Variants in SYAP1 observed in about 807,000 individuals in gnomAD.
SYAP1 encodes synapse associated protein 1.
SYAP1 carries 3 observed loss-of-function variants against 29.6 expected under a neutral mutation model. The ratio of observed to expected loss-of-function variants is 0.10; its 90% CI spans 0.05 to 0.26. The LOEUF (loss-of-function observed/expected upper bound fraction) is 0.26. SYAP1 is among the 10% of genes least tolerant of loss of function. SYAP1 has a pLI of 1.00. For synonymous variants in SYAP1, 102 were observed against 102.7 expected, an observed-to-expected ratio of 0.99 and a Z score of 0.04; for missense variants, 217 against 264.1, an observed-to-expected ratio of 0.82 and a Z score of 1.24.
chrX:16,725,953 C>T (rs747502041), intron 1 of SYAP1, among the ~76,000 whole-genome samples: 2 of 112,043 alleles, frequency 1.8e-5, no homozygotes, highest in East Asian at 5.6e-4. Flanking sequence ...AAAGAACCCT[C>T]TTCTTTTGGA....
chrX:16,754,722 C>T (rs1378803431), intron 5 of SYAP1, among the ~76,000 whole-genome samples: 1 of 108,873 alleles, frequency 9.2e-6, no homozygotes, highest in African/African-American at 3.3e-5. Flanking sequence ...AGCAAGACTC[C>T]GTGTCAAAAA....
Position 16,742,616 on chromosome X carries a change from T to C in SYAP1, c.435+827T>C, listed in dbSNP as rs200266117. The stretch of plus-strand genomic sequence containing the variant: ...ATTTTTAATTTAATTTGTTTTGTTT[T>C]GTTTTGTTTTTGTTTTAAGAGACAC... On this transcript the variant is annotated intron_variant, in intron 4 of 8. Transcript: ENST00000380155. Among the ~76,000 whole-genome samples, 13 of 111,888 alleles carry C rather than the reference T, an allele frequency of 1.2e-4. No homozygotes were observed. In the East Asian group the frequency reaches 3.7e-3, roughly 32 times the overall value.
At chrX:16,752,031 G>T (rs1422994866) in intron 5 of SYAP1, among the ~76,000 whole-genome samples, 1 of 97,100 alleles carries the variant, frequency 1.0e-5, no homozygotes, top group African/African-American at 3.9e-5. Flanking sequence ...CCAGGCTGGA[G>T]TGCAGTGGTG....
intron 5 of SYAP1, among the ~76,000 whole-genome samples, chrX:16,747,005 A>T (rs1306731842): frequency 2.7e-5 from 3 of 112,256 alleles, no homozygotes; most frequent in Non-Finnish European, 5.6e-5. Flanking sequence ...GATCTCTGGA[A>T]TGCAGTGGCA....
intron 5 of SYAP1, among the ~76,000 whole-genome samples, chrX:16,745,446 A>C (rs1569251060): frequency 8.9e-6 from 1 of 111,845 alleles, no homozygotes; most frequent in Non-Finnish European, 1.9e-5. Context: ...GAAGTAGACT[A>C]CTGTTTGCCT....
chrX:16,755,451 C>G (rs1289282230), intron 6 of SYAP1, among the ~76,000 whole-genome samples: 1 of 110,138 alleles, frequency 9.1e-6, no homozygotes, highest in East Asian at 2.8e-4. Flanking sequence ...AGCCACTGTG[C>G]CTGGCGAGTT....
intron 5 of SYAP1, among the ~76,000 whole-genome samples, chrX:16,752,628 G>A (rs1357286001): frequency 1.8e-5 from 2 of 109,568 alleles, no homozygotes; most frequent in African/African-American, 6.6e-5. Flanking sequence ...TCCCAATAAT[G>A]TCCTTTTTAG....
chrX:16,742,920 A>AT (rs761130108), intron 4 of SYAP1, among the ~76,000 whole-genome samples: 4,205 of 62,767 alleles, frequency 0.067, 177 homozygotes, highest in African/African-American at 0.12. Flanking sequence ...GTCCGCTTCT[A>AT]TTTTTTTTTT....
intron 5 of SYAP1, among the ~76,000 whole-genome samples, chrX:16,744,892 G>T (rs1049589145): frequency 6.2e-5 from 7 of 112,055 alleles, no homozygotes; most frequent in African/African-American, 1.6e-4. Context: ...CCTGAGCCTG[G>T]GAGGTCGACG....
chrX:16,741,842 A>G, intron 4 of SYAP1, 53 bp downstream of exon 4: 2 of 839,017 alleles, frequency 2.4e-6, no homozygotes, highest in Non-Finnish European at 3.5e-6. Context: ...GTCATGATAT[A>G]TCTCTGTTGA....
At chrX:16,746,530 C>T (rs1201776025) in intron 5 of SYAP1, among the ~76,000 whole-genome samples, 3 of 111,163 alleles carry the variant, frequency 2.7e-5, no homozygotes, top group Non-Finnish European at 5.7e-5. Context: ...AGCCACTGCG[C>T]CCAGCTAGAC....
At chrX:16,731,958 A>G (rs941689102) in intron 1 of SYAP1, among the ~76,000 whole-genome samples, 15 of 111,537 alleles carry the variant, frequency 1.3e-4, no homozygotes, top group African/African-American at 4.9e-4. Flanking sequence ...AAAAAATTAC[A>G]CAGCAAAGTT....
chrX:16,736,278 C>T (rs773473843), intron 3 of SYAP1, 46 bp downstream of exon 3: 2 of 902,190 alleles, frequency 2.2e-6, no homozygotes, highest in Non-Finnish European at 3.2e-6. Flanking sequence ...TTTTATTGAG[C>T]ACCTGTTATG....
chrX:16,735,510 T>G (rs1926311090), intron 2 of SYAP1, among the ~76,000 whole-genome samples, 165 bp downstream of exon 2: 4 of 112,661 alleles, frequency 3.6e-5, no homozygotes, highest in Admixed American at 1.9e-4. Flanking sequence ...GAATAACAAG[T>G]AAGTATCATT....
chrX:16,758,538 T>C (rs762237385), intron 8 of SYAP1, among the ~76,000 whole-genome samples: 29 of 110,572 alleles, frequency 2.6e-4, no homozygotes, highest in Non-Finnish European at 4.7e-4. Context: ...TGTATCGCTA[T>C]GTTGGCAGGC....
At chrX:16,759,048 CT>C (rs1480974319) in intron 8 of SYAP1, among the ~76,000 whole-genome samples, 2 of 107,682 alleles carry the variant, frequency 1.9e-5, no homozygotes, top group African/African-American at 3.4e-5. Context: ...AAAAATTAGC[CT>C]GGCGTGGTGG....
intron 1 of SYAP1, among the ~76,000 whole-genome samples, chrX:16,720,180 G>A (rs753019244): frequency 2.7e-5 from 3 of 112,365 alleles, no homozygotes; most frequent in Non-Finnish European, 5.6e-5. Flanking sequence ...GTCAAGCAGT[G>A]TGACCCGACG....
rs1926988912 is a variant in SYAP1 at position 16,761,686 on chromosome X, A to G, written c.*1327A>G. The G allele has an allele frequency of 9.0e-6, 1 of 111,274 alleles. No homozygotes were observed. Among genetic ancestry groups the G allele is most frequent in the African/African-American group, 3.3e-5 (1 of 30,545 alleles). The allele number at this position is 111,274 out of a possible 1,213,427, so 9.2% of individuals were successfully genotyped here. Reference sequence around the variant, plus strand: ...AGAGACTCCGTCTCAAAAATGAATGAATGAATGAATGAATGAATGAACGAA... The same window carrying G: ...AGAGACTCCGTCTCAAAAATGAATGGATGAATGAATGAATGAATGAACGAA... On this transcript the variant is annotated 3_prime_UTR_variant, in exon 9 of 9. Coordinates refer to ENST00000380155, the MANE Select transcript of SYAP1 (RefSeq NM_032796.4).
At chrX:16,751,487 C>G in intron 5 of SYAP1, among the ~76,000 whole-genome samples, 1 of 103,669 alleles carries the variant, frequency 9.6e-6, no homozygotes, top group Non-Finnish European at 2.0e-5. Flanking sequence ...AGGCATTCTC[C>G]CACCCTTTTG....
Sources: gnomAD v4.1 joint callset for allele counts (sites outside exome capture counted in the v4.1 genomes callset) on GRCh38, gnomAD v4.1.1 for gene constraint, MANE v1.5 for transcripts, NCBI Gene and HGNC (gene_info 2026-07-23, HGNC 2026-07-21) for gene names.